SLC19A3: variants seen among roughly 807,000 people sequenced by gnomAD.
SLC19A3 encodes the protein solute carrier family 19 member 3.
A neutral mutation model predicts 40.2 loss-of-function variants in SLC19A3; 31 were observed. That is an observed-to-expected ratio of 0.77 (90% CI 0.58 to 1.04). The LOEUF (loss-of-function observed/expected upper bound fraction) is 1.04. SLC19A3 is among the 50% of genes least tolerant of loss of function. SLC19A3 has a pLI of 0.00. For missense variants in SLC19A3, 592 were observed against 596.7 expected, an observed-to-expected ratio of 0.99 and a Z score of 0.08; for synonymous variants, 212 against 227.5, an observed-to-expected ratio of 0.93 and a Z score of 0.61.
intron 1 of SLC19A3, among the ~76,000 whole-genome samples, chr2:227,705,084 G>T (rs1230064652): frequency 1.3e-5 from 2 of 151,850 alleles, no homozygotes; most frequent in Non-Finnish European, 1.5e-5. Context: ...TGCCATGTTG[G>T]CCAGGCTGGT....
chr2:227,713,592 C>G (rs1339931507), intron 1 of SLC19A3, among the ~76,000 whole-genome samples: 1 of 151,954 alleles, frequency 6.6e-6, no homozygotes, highest in Non-Finnish European at 1.5e-5. Context: ...AGCCTTAGCC[C>G]TCTGACCATG....
chr2:227,697,844 G>C (rs1485685425), intron 3 of SLC19A3, among the ~76,000 whole-genome samples: 1 of 152,112 alleles, frequency 6.6e-6, no homozygotes, highest in Non-Finnish European at 1.5e-5. Flanking sequence ...TTTGGAGGCT[G>C]AGGCGGGTAG....
rs1695087235 is a variant in SLC19A3 at position 227,688,076 on chromosome 2, C to T, written c.1314+90G>A. On this transcript the variant is annotated intron_variant, in intron 5 of 5. Transcript: ENST00000644224. ...ATTATGTATTTTTTAATTGCTTAACCAAGGAACTCAAGAAATTTAAATATT... is the reference window on the plus strand; with the variant it reads ...ATTATGTATTTTTTAATTGCTTAACTAAGGAACTCAAGAAATTTAAATATT... The T allele has an allele frequency of 3.6e-6, 5 of 1,392,668 alleles. No individual in the cohort carries two copies. The Admixed American group carries it at 8.4e-5, about 23-fold the overall frequency. 86.3% of individuals were successfully genotyped at this position (1,392,668 alleles called of 1,614,324 possible). A position where few individuals can be genotyped will look rare whatever the true frequency, so the allele number is the denominator to read the frequency against.
intron 4 of SLC19A3, among the ~76,000 whole-genome samples, chr2:227,690,434 G>A (rs144877831): frequency 0.048 from 7,299 of 152,052 alleles, 281 homozygotes; most frequent in East Asian, 0.2. Flanking sequence ...ACGGCCAGGC[G>A]CGGTGGCTCA....
chr2:227,706,495 G>C (rs1414552782), intron 1 of SLC19A3: 2 of 1,218,888 alleles, frequency 1.6e-6, no homozygotes, highest in Non-Finnish European at 2.0e-6. Context: ...AAAAGGCTGG[G>C]TGTAGTGGCT....
chr2:227,705,730 C>CG (rs1271454605), intron 1 of SLC19A3, among the ~76,000 whole-genome samples: 1 of 150,618 alleles, frequency 6.6e-6, no homozygotes, highest in Non-Finnish European at 1.5e-5. Context: ...AATGGGGAGG[C>CG]GGGGGAGGAA....
At chr2:227,716,096 C>T (rs11679391) in intron 1 of SLC19A3, among the ~76,000 whole-genome samples, 52,475 of 151,596 alleles carry the variant, frequency 0.35, 10,075 homozygotes, top group Middle Eastern at 0.51. Flanking sequence ...AGGGAAAAAA[C>T]TGGATTAAAG....
intron 1 of SLC19A3, 75 bp from the exon 2 acceptor site, chr2:227,702,395 ATTT>A (rs71039629): frequency 2.8e-3 from 2,970 of 1,044,448 alleles, no homozygotes; most frequent in Non-Finnish European, 3.2e-3. Context: ...TGAAAACCTG[ATTT>A]TTTTTTTTTT....
chr2:227,698,172 AT>A (rs1345046385), intron 3 of SLC19A3, among the ~76,000 whole-genome samples: 1 of 151,776 alleles, frequency 6.6e-6, no homozygotes, highest in Non-Finnish European at 1.5e-5. Context: ...TTTTATTTTT[AT>A]TTTTTTGAGA....
chr2:227,689,389 C>T (rs538006312), intron 4 of SLC19A3, among the ~76,000 whole-genome samples: 27 of 152,260 alleles, frequency 1.8e-4, no homozygotes, highest in African/African-American at 6.0e-4. Context: ...AAATAACATA[C>T]AAGAGAGCTC....
At chr2:227,701,237 C>G (rs1461631902) in intron 2 of SLC19A3, 1 of 475,328 alleles carries the variant, frequency 2.1e-6, no homozygotes, top group East Asian at 7.9e-5. Flanking sequence ...ACACTTTACA[C>G]AGTGTTTTCA....
chr2:227,716,458 T>G (rs1696338729), intron 1 of SLC19A3, among the ~76,000 whole-genome samples: 2 of 152,110 alleles, frequency 1.3e-5, no homozygotes. Context: ...GGCTCCCAGC[T>G]CAAAAAAACC....
At chr2:227,717,599 T>C (rs937375857) in intron 1 of SLC19A3, among the ~76,000 whole-genome samples, 1 of 152,218 alleles carries the variant, frequency 6.6e-6, no homozygotes, top group Non-Finnish European at 1.5e-5. Context: ...CATCCTTGGA[T>C]TGGAATTTGG....
intron 1 of SLC19A3, among the ~76,000 whole-genome samples, chr2:227,709,347 T>C (rs1696059908): frequency 6.6e-6 from 1 of 152,140 alleles, no homozygotes; most frequent in South Asian, 2.1e-4. Context: ...TAGCCAGGCA[T>C]GGTGGCGGGC....
rs1329404893 is a variant in SLC19A3 at position 227,685,016 on chromosome 2, A to G, written c.*2381T>C. ...AAAAAAAAAAAAAAAGAAGAAGAAG[A>G]AAAAGAATAGCGGCCATTCCTTCCT... On this transcript the variant is annotated 3_prime_UTR_variant, in exon 6 of 6. Transcript: ENST00000644224. 1.3e-5 allele frequency: 2 copies of G among 150,886 alleles called. No individual in the cohort carries two copies. The highest frequency in any genetic ancestry group is 4.9e-5 in the African/African-American group (2 of 41,108). 9.3% of individuals were successfully genotyped at this position (150,886 alleles called of 1,614,324 possible).
chr2:227,697,888 C>T (rs1323504629), intron 3 of SLC19A3, among the ~76,000 whole-genome samples: 1 of 151,712 alleles, frequency 6.6e-6, no homozygotes, highest in Non-Finnish European at 1.5e-5. Flanking sequence ...CCATCCTGGG[C>T]AACATGGTGA....
chr2:227,698,295 G>A (rs1695520864), intron 3 of SLC19A3, among the ~76,000 whole-genome samples: 2 of 151,672 alleles, frequency 1.3e-5, no homozygotes, highest in Admixed American at 1.3e-4. Flanking sequence ...CAAGTAGCTG[G>A]GACTACAGGC....
At chr2:227,709,584 A>G (rs1190588265) in intron 1 of SLC19A3, among the ~76,000 whole-genome samples, 2 of 152,082 alleles carry the variant, frequency 1.3e-5, no homozygotes, top group Non-Finnish European at 2.9e-5. Context: ...ATTTGGTCAG[A>G]TTCCTCCACC....
intron 4 of SLC19A3, among the ~76,000 whole-genome samples, chr2:227,693,269 A>AAACAAC (rs146228810): frequency 2.6e-5 from 4 of 152,080 alleles, no homozygotes; most frequent in East Asian, 1.9e-4. Context: ...AAACAAAATG[A>AAACAAC]AACAACAACA....
Sources: gnomAD v4.1 joint callset for allele counts (sites outside exome capture counted in the v4.1 genomes callset) on GRCh38, gnomAD v4.1.1 for gene constraint, MANE v1.5 for transcripts, NCBI Gene and HGNC (gene_info 2026-07-23, HGNC 2026-07-21) for gene names.